Variants in ZNF207 observed in about 807,000 individuals in gnomAD.
The protein encoded by ZNF207 is zinc finger protein 207, also known as BUB3-interacting and GLEBS motif-containing protein ZNF207.
A neutral mutation model predicts 60.2 loss-of-function variants in ZNF207; 24 were observed. The observed-to-expected ratio is 0.40, with a 90% CI of 0.29 to 0.56. The LOEUF is 0.56. ZNF207 is among the 20% of genes least tolerant of loss of function. The pLI is 0.49. For missense variants in ZNF207, 452 were observed against 636.6 expected, an observed-to-expected ratio of 0.71 and a Z score of 3.12; for synonymous variants, 236 against 194.7, an observed-to-expected ratio of 1.21 and a Z score of -1.77.
Position 32,362,919 on chromosome 17 carries a change from T to C in ZNF207, c.605T>C (p.Met202Thr). Residue 202 changes from methionine to threonine, a missense_variant, in exon 7 of 12, where the codon ATG (methionine) becomes ACG (threonine). Coordinates refer to ENST00000394670, the MANE Select transcript of ZNF207 (RefSeq NM_001098507.2). ...TGAAATTTGCTTTCTAATAGAATGA[T>C]GCCAATGGGTGGAATGATGCCACCT... ...TQSFCGENIM[M>T]PMGGMMPPGP... 6.2e-7 allele frequency: 1 copy of C among 1,613,424 alleles called. No homozygotes were observed. The highest frequency in any genetic ancestry group is 8.5e-7 in the Non-Finnish European group (1 of 1,179,944).
chr17:32,358,087 A>G (rs1351375980), intron 2 of ZNF207, among the ~76,000 whole-genome samples: 2 of 152,290 alleles, frequency 1.3e-5, no homozygotes, highest in East Asian at 1.9e-4. Flanking sequence ...GCTATATTCT[A>G]ATTCTTAATA....
Position 32,373,497 on chromosome 17 carries a change from T to A in ZNF207, c.*3738T>A. 2.0e-6 allele frequency: 1 copy of A among 510,758 alleles called. No individual in the cohort carries two copies. The highest frequency in any genetic ancestry group is 3.2e-5 in the South Asian group (1 of 30,886). The allele number at this position is 510,758 out of a possible 1,614,324, so 31.6% of individuals were successfully genotyped here. A position where few individuals can be genotyped will look rare whatever the true frequency, so the allele number is the denominator to read the frequency against. Reference sequence around the variant, plus strand: ...ATTCCTTATAGGGGCTTTCACAGCTTTATGGCTGTTGGATATTTATGTCCC... The same window carrying A: ...ATTCCTTATAGGGGCTTTCACAGCTATATGGCTGTTGGATATTTATGTCCC... On this transcript the variant is annotated 3_prime_UTR_variant, in exon 12 of 12. Transcript: ENST00000394670.
chr17:32,363,440 A>G (rs1244806457), intron 7 of ZNF207, among the ~76,000 whole-genome samples: 1 of 148,292 alleles, frequency 6.7e-6, no homozygotes, highest in Non-Finnish European at 1.5e-5. Context: ...AGCCAAAGTG[A>G]GTCACGGCCT....
intron 7 of ZNF207, 93 bp from the exon 8 acceptor site, chr17:32,365,236 CA>C: frequency 7.7e-7 from 1 of 1,304,862 alleles, no homozygotes; most frequent in East Asian, 2.4e-5. Context: ...AGTCATTGAG[CA>C]GTTAATTGTT....
intron 7 of ZNF207, 97 bp from the exon 8 acceptor site, chr17:32,365,233 G>A (rs1210076441): frequency 7.7e-7 from 1 of 1,296,940 alleles, no homozygotes; most frequent in Non-Finnish European, 1.1e-6. Context: ...TCGAGTCATT[G>A]AGCAGTTAAT....
intron 1 of ZNF207, 108 bp downstream of exon 1, chr17:32,350,434 C>A: frequency 6.9e-7 from 1 of 1,451,180 alleles, no homozygotes; most frequent in Non-Finnish European, 9.6e-7. Flanking sequence ...TGTATTTAGG[C>A]GTCTGCGTGG....
intron 7 of ZNF207, among the ~76,000 whole-genome samples, chr17:32,364,228 G>A (rs150914034): frequency 1.3e-5 from 2 of 151,870 alleles, no homozygotes; most frequent in East Asian, 1.9e-4. Flanking sequence ...AGCTCCTTAC[G>A]TATTATGCTG....
In ZNF207 at chr17:32,370,836, G is replaced by A. The variant is rs557583442; in HGVS notation, c.*1077G>A. The A allele has an allele frequency of 6.6e-6, 1 of 152,264 alleles. No homozygotes were observed. The highest frequency in any genetic ancestry group is 1.9e-4 in the East Asian group (1 of 5,178). 9.4% of individuals were successfully genotyped at this position (152,264 alleles called of 1,614,324 possible). On this transcript the variant is annotated 3_prime_UTR_variant, in exon 12 of 12. Transcript: ENST00000394670. ...AGTAATAGCTTCTTGTGCTGTTAAT[G>A]GGTTATTATATATTATTCTAAGTGT...
chr17:32,363,020 C>T (rs751736220), intron 7 of ZNF207, 36 bp downstream of exon 7: 7 of 1,576,708 alleles, frequency 4.4e-6, no homozygotes, highest in Admixed American at 3.6e-5. Context: ...ATATGATGTA[C>T]AGGCTTTATT....
chr17:32,375,446 G>C lies in ZNF207; in HGVS notation c.*5687G>C, dbSNP rs982917982. 3.9e-5 allele frequency: 6 copies of C among 152,094 alleles called. No homozygotes were observed. Among genetic ancestry groups the C allele is most frequent in the Non-Finnish European group, 7.4e-5 (5 of 67,996 alleles). The allele number at this position is 152,094 out of a possible 1,614,324, so 9.4% of individuals were successfully genotyped here. A position where few individuals can be genotyped will look rare whatever the true frequency, so the allele number is the denominator to read the frequency against. On this transcript the variant is annotated 3_prime_UTR_variant, in exon 12 of 12. Transcript: ENST00000394670. ...GGCTCTTATCTGGTTGAGTACTGGG[G>C]GTGGGAAGGATTTAGTAATGTCATA...
At chr17:32,359,213 A>G (rs1904718286) in intron 3 of ZNF207, among the ~76,000 whole-genome samples, 1 of 152,174 alleles carries the variant, frequency 6.6e-6, no homozygotes, top group African/African-American at 2.4e-5. Flanking sequence ...CCCAGGTTCA[A>G]GCAATTCTCC....
chr17:32,366,396 G>A (rs113738385), intron 8 of ZNF207, among the ~76,000 whole-genome samples: 2 of 152,216 alleles, frequency 1.3e-5, no homozygotes, highest in South Asian at 2.1e-4. Flanking sequence ...TCAGTTTCAG[G>A]TATCATTCTT....
chr17:32,362,904 TTTC>T lies in ZNF207; in HGVS notation c.600-8_600-6del, dbSNP rs1904963400. 3 of 1,612,630 alleles carry T rather than the reference TTTC, an allele frequency of 1.9e-6. No individual in the cohort carries two copies. The African/African-American group carries it at 4.0e-5, about 22-fold the overall frequency. On this transcript the variant is annotated splice_polypyrimidine_tract_variant and splice_region_variant and intron_variant, in intron 6 of 11. Coordinates refer to ENST00000394670, the MANE Select transcript of ZNF207 (RefSeq NM_001098507.2). ...TAACTTACTGTTTCTTGAAATTTGC[TTTC>T]TAATAGAATGATGCCAATGGGTGGA...
chr17:32,367,265 A>ATGTATATG (rs1567824946), intron 9 of ZNF207, among the ~76,000 whole-genome samples: 1 of 123,354 alleles, frequency 8.1e-6, no homozygotes, highest in African/African-American at 2.9e-5. Context: ...ATATATATAT[A>ATGTATATG]TATATATATA....
rs1905485702 is a variant in ZNF207, at chr17:32,372,000, A to C, written c.*2241A>C. The C allele has an allele frequency of 6.6e-6, 1 of 151,968 alleles. No homozygotes were observed. The highest frequency in any genetic ancestry group is 6.6e-5 in the Admixed American group (1 of 15,246). The allele number at this position is 151,968 out of a possible 1,614,324, so 9.4% of individuals were successfully genotyped here. A position where few individuals can be genotyped will look rare whatever the true frequency, so the allele number is the denominator to read the frequency against. On this transcript the variant is annotated 3_prime_UTR_variant, in exon 12 of 12. Transcript: ENST00000394670. ...GGAAAACTTGTGTTGAAAGTCTTTA[A>C]GATAAAAATGGTGTGATAGGCCGGG... is the stretch of plus-strand genomic sequence containing the variant.
chr17:32,351,198 A>G (rs566619652), intron 1 of ZNF207: 219 of 167,616 alleles, frequency 1.3e-3, no homozygotes, highest in Middle Eastern at 3.0e-3. Context: ...ATTCTGTTTT[A>G]TTGATGTAAG....
intron 9 of ZNF207, among the ~76,000 whole-genome samples, chr17:32,367,000 ATGG>A (rs1905190561): frequency 6.6e-6 from 1 of 151,998 alleles, no homozygotes; most frequent in Admixed American, 6.6e-5. Context: ...ATAGTGGCCA[ATGG>A]TTAGCCTGAT....
rs1335349131 is a variant in ZNF207 at position 32,381,005 on chromosome 17, C to T, written c.*11246C>T. ...AAGTGATAAGATTTGGGAGTCTATTCCCTGGGATGTTCTATTAATAATAAA... is the reference window on the plus strand; with the variant it reads ...AAGTGATAAGATTTGGGAGTCTATTTCCTGGGATGTTCTATTAATAATAAA... On this transcript the variant is annotated 3_prime_UTR_variant, in exon 12 of 12. Coordinates refer to ENST00000394670, the MANE Select transcript of ZNF207 (RefSeq NM_001098507.2). 6.6e-6 allele frequency: 1 copy of T among 151,864 alleles called. No individual in the cohort carries two copies. 9.4% of individuals were successfully genotyped at this position (151,864 alleles called of 1,614,324 possible).
At position 32,380,474 on chromosome 17, in the gene ZNF207, T is replaced by C. The variant is rs1456870474; in HGVS notation, c.*10715T>C. On this transcript the variant is annotated 3_prime_UTR_variant, in exon 12 of 12. Transcript: ENST00000394670. ...AAATAAGTGGCTGTTAAAGAAAATA[T>C]CTTCAAGAAGGATTATTTCAGTGTC... The C allele has an allele frequency of 6.6e-6, 1 of 152,206 alleles. No individual in the cohort carries two copies. Among genetic ancestry groups the C allele is most frequent in the Non-Finnish European group, 1.5e-5 (1 of 68,032 alleles). 9.4% of individuals were successfully genotyped at this position (152,206 alleles called of 1,614,324 possible).
Sources: gnomAD v4.1 joint callset for allele counts (sites outside exome capture counted in the v4.1 genomes callset) on GRCh38, gnomAD v4.1.1 for gene constraint, MANE v1.5 for transcripts, NCBI Gene and HGNC (gene_info 2026-07-23, HGNC 2026-07-21) for gene names.